Variants in SLC22A3 observed in about 807,000 individuals in gnomAD.
The protein encoded by SLC22A3 is solute carrier family 22 member 3, also known as EMT organic cation transporter 3.
In SLC22A3, 51 loss-of-function variants were observed where a neutral mutation model predicts 59.1. The ratio of observed to expected loss-of-function variants is 0.86; its 90% CI spans 0.69 to 1.09. SLC22A3 has a LOEUF of 1.09. Among genes scored for constraint, SLC22A3 ranks in the 50% least tolerant of loss-of-function variants. SLC22A3 has a pLI of 0.00. For synonymous variants in SLC22A3, 325 were observed against 292.0 expected (o/e 1.11, Z -1.15); for missense variants, 711 against 726.3 (o/e 0.98, Z 0.24).
intron 5 of SLC22A3, among the ~76,000 whole-genome samples, chr6:160,430,904 A>G (rs1447955738): frequency 6.6e-6 from 1 of 152,192 alleles, no homozygotes; most frequent in Non-Finnish European, 1.5e-5. Flanking sequence ...TCATGACAGA[A>G]AGCAGATCTG....
At chr6:160,361,470 G>A (rs1343070908) in intron 1 of SLC22A3, among the ~76,000 whole-genome samples, 1 of 152,190 alleles carries the variant, frequency 6.6e-6, no homozygotes, top group Non-Finnish European at 1.5e-5. Context: ...CTCTAATCAA[G>A]GGTCGTTATG....
At position 160,451,162 on chromosome 6, in the gene SLC22A3, G is replaced by T. The variant is rs991632584; in HGVS notation, c.*106G>T. 1.0e-6 allele frequency: 1 copy of T among 1,000,292 alleles called. No individual in the cohort carries two copies. 62.0% of individuals were successfully genotyped at this position (1,000,292 alleles called of 1,614,324 possible). A position where few individuals can be genotyped will look rare whatever the true frequency, so the allele number is the denominator to read the frequency against. On this transcript the variant is annotated 3_prime_UTR_variant, in exon 11 of 11. Coordinates refer to ENST00000275300, the MANE Select transcript of SLC22A3 (RefSeq NM_021977.4). ...GTGCATTTCAGCTACATCATGCCGCGCTGTTGTAATACTGTATAAAGACCT... is the reference window on the plus strand; with the variant it reads ...GTGCATTTCAGCTACATCATGCCGCTCTGTTGTAATACTGTATAAAGACCT...
intron 1 of SLC22A3, among the ~76,000 whole-genome samples, chr6:160,365,371 C>G (rs1387339045): frequency 2.6e-5 from 4 of 152,206 alleles, no homozygotes; most frequent in Non-Finnish European, 5.9e-5. Flanking sequence ...CTGTCCCAAT[C>G]CACCTGACTT....
At position 160,348,387 on chromosome 6, in the gene SLC22A3, C is replaced by G; in HGVS notation, c.-33C>G. The G allele has an allele frequency of 7.0e-7, 1 of 1,427,314 alleles. No homozygotes were observed. Among genetic ancestry groups the G allele is most frequent in the Non-Finnish European group, 9.1e-7 (1 of 1,098,492 alleles). 88.4% of individuals were successfully genotyped at this position (1,427,314 alleles called of 1,614,324 possible). A position where few individuals can be genotyped will look rare whatever the true frequency, so the allele number is the denominator to read the frequency against. On this transcript the variant is annotated 5_prime_UTR_variant, in exon 1 of 11. Transcript: ENST00000275300. The stretch of plus-strand genomic sequence containing the variant: ...GCTGGGTCCGCGGGTCACTCCGAGG[C>G]GCGGGCTGCGGGCGGCGGGCGGCGG...
intron 5 of SLC22A3, among the ~76,000 whole-genome samples, chr6:160,421,183 A>G (rs1787719427): frequency 6.6e-6 from 1 of 152,146 alleles, no homozygotes; most frequent in South Asian, 2.1e-4. Flanking sequence ...CATTTCCCAG[A>G]CAAGTACCCA....
chr6:160,438,866 T>C (rs1788444288), intron 7 of SLC22A3, among the ~76,000 whole-genome samples: 2 of 152,136 alleles, frequency 1.3e-5, no homozygotes, highest in Admixed American at 6.6e-5. Flanking sequence ...TTCATGCCTC[T>C]CTCTGGCAAT....
At position 160,394,156 on chromosome 6, in the gene SLC22A3, A is replaced by C. The variant is rs1231976149; in HGVS notation, c.430-3823A>C. ...TGTATACTTTGAAAAAAAATAGGAG[A>C]TGCCCCAGTTGTTCTACATAGATTG... On this transcript the variant is annotated intron_variant, in intron 1 of 10. Transcript: ENST00000275300. Among the ~76,000 whole-genome samples the C allele has an allele frequency of 2.0e-5, 3 of 152,330 alleles. No homozygotes were observed. The East Asian group carries it at 5.8e-4, about 29-fold the overall frequency.
At chr6:160,392,710 C>T (rs1402797811) in intron 1 of SLC22A3, among the ~76,000 whole-genome samples, 1 of 152,024 alleles carries the variant, frequency 6.6e-6, no homozygotes. Flanking sequence ...ATCCTTTTTC[C>T]TCATGGAAAC....
chr6:160,434,138 A>G (rs1788254275), intron 5 of SLC22A3, among the ~76,000 whole-genome samples: 1 of 152,216 alleles, frequency 6.6e-6, no homozygotes, highest in Admixed American at 6.5e-5. Context: ...TGGTGGTGAT[A>G]CTTTCATGGA....
intron 1 of SLC22A3, among the ~76,000 whole-genome samples, chr6:160,350,125 A>T (rs1285630343): frequency 1.3e-5 from 2 of 149,938 alleles, no homozygotes; most frequent in African/African-American, 5.0e-5. Flanking sequence ...CAGCCAGGCG[A>T]TGTGTGTATG....
At chr6:160,352,527 C>T (rs796582957) in intron 1 of SLC22A3, among the ~76,000 whole-genome samples, 5 of 152,216 alleles carry the variant, frequency 3.3e-5, no homozygotes, top group African/African-American at 1.2e-4. Context: ...AAAAAAAGAG[C>T]TTTTCCCTAG....
intron 1 of SLC22A3, among the ~76,000 whole-genome samples, chr6:160,366,402 A>G (rs1171382153): frequency 1.3e-5 from 2 of 152,206 alleles, no homozygotes; most frequent in African/African-American, 4.8e-5. Context: ...ATGGGCTCCC[A>G]CAGCCTTGGA....
At chr6:160,352,129 T>A (rs115331469) in intron 1 of SLC22A3, among the ~76,000 whole-genome samples, 2,348 of 152,336 alleles carry the variant, frequency 0.015, 57 homozygotes, top group Middle Eastern at 0.058. Context: ...TGGGAATGGT[T>A]CTCTAGCCTC....
chr6:160,425,792 T>G, intron 5 of SLC22A3: 1 of 983,662 alleles, frequency 1.0e-6, no homozygotes, highest in Non-Finnish European at 1.2e-6. Context: ...TGGAATATGA[T>G]AAATCAAGTC....
At chr6:160,435,117 G>T (rs1788289806) in intron 5 of SLC22A3, among the ~76,000 whole-genome samples, 1 of 152,186 alleles carries the variant, frequency 6.6e-6, no homozygotes, top group Admixed American at 6.5e-5. Flanking sequence ...GCCACTCACA[G>T]TTGAAAAAGA....
intron 1 of SLC22A3, among the ~76,000 whole-genome samples, chr6:160,370,304 C>T (rs1404804922): frequency 6.6e-6 from 1 of 152,212 alleles, no homozygotes; most frequent in Non-Finnish European, 1.5e-5. Flanking sequence ...GTGTGGGGGA[C>T]TCATGCCATC....
chr6:160,377,757 G>C (rs1785654120), intron 1 of SLC22A3, among the ~76,000 whole-genome samples: 2 of 152,186 alleles, frequency 1.3e-5, no homozygotes, highest in African/African-American at 4.8e-5. Flanking sequence ...AAAACACAAA[G>C]TAAAAGTGGA....
At chr6:160,394,194 G>T (rs1164414358) in intron 1 of SLC22A3, among the ~76,000 whole-genome samples, 1 of 152,226 alleles carries the variant, frequency 6.6e-6, no homozygotes, top group African/African-American at 2.4e-5. Context: ...TTAGGAGAAG[G>T]ACATAAATGT....
At chr6:160,448,348 GTAGATGA>G (rs1316907144) in intron 10 of SLC22A3, among the ~76,000 whole-genome samples, 1 of 152,094 alleles carries the variant, frequency 6.6e-6, no homozygotes, top group Non-Finnish European at 1.5e-5. Flanking sequence ...TAGATAATAG[GTAGATGA>G]TAGATAATAG....
Sources: gnomAD v4.1 joint callset for allele counts (sites outside exome capture counted in the v4.1 genomes callset) on GRCh38, gnomAD v4.1.1 for gene constraint, MANE v1.5 for transcripts, NCBI Gene and HGNC (gene_info 2026-07-23, HGNC 2026-07-21) for gene names.